The following PTBP2 variants were observed in gnomAD, a reference collection of about 807,000 sequenced individuals.
The protein encoded by PTBP2 is polypyrimidine tract binding protein 2, also known as polypyrimidine tract-binding protein 2.
A neutral mutation model predicts 61.4 loss-of-function variants in PTBP2; 13 were observed. The observed-to-expected ratio is 0.21, with a 90% CI of 0.14 to 0.34. PTBP2 has a LOEUF of 0.34. PTBP2 is among the 10% of genes least tolerant of loss of function. The pLI is 1.00. For missense variants in PTBP2, 405 were observed against 642.6 expected, an observed-to-expected ratio of 0.63 and a Z score of 4.00; for synonymous variants, 215 against 218.5, an observed-to-expected ratio of 0.98 and a Z score of 0.14.
intron 9 of PTBP2, among the ~76,000 whole-genome samples, chr1:96,805,178 A>G (rs557600569): frequency 4.6e-5 from 7 of 151,880 alleles, no homozygotes; most frequent in Non-Finnish European, 8.8e-5. Flanking sequence ...AACCTAACCT[A>G]TTTTTCCTAA....
chr1:96,765,978 G>A (rs1656659823), intron 3 of PTBP2, among the ~76,000 whole-genome samples: 1 of 152,126 alleles, frequency 6.6e-6, no homozygotes, highest in Non-Finnish European at 1.5e-5. Flanking sequence ...CTTGTTGACT[G>A]ATGGATGTGG....
At position 96,813,025 on chromosome 1, in the gene PTBP2, C is replaced by G. The variant is rs369016649; in HGVS notation, c.1389-4C>G. On this transcript the variant is annotated splice_polypyrimidine_tract_variant and splice_region_variant and intron_variant, in intron 12 of 13. Coordinates refer to ENST00000674951, the MANE Select transcript of PTBP2 (RefSeq NM_021190.4). ...CACTTTTTCTTCCCATTCAATTTTC[C>G]TAGTCCATCAGTAGCAGAAGAGGAT... 3.7e-6 allele frequency: 6 copies of G among 1,610,746 alleles called. No individual in the cohort carries two copies. The highest frequency in any genetic ancestry group is 5.1e-6 in the Non-Finnish European group (6 of 1,177,440).
chr1:96,805,638 C>T (rs1367217238), intron 9 of PTBP2, among the ~76,000 whole-genome samples: 3 of 151,940 alleles, frequency 2.0e-5, no homozygotes, highest in Non-Finnish European at 4.4e-5. Flanking sequence ...GTGGGAAGCT[C>T]AGTGTATCAG....
chr1:96,795,803 G>A (rs536078910), intron 8 of PTBP2, among the ~76,000 whole-genome samples: 4 of 152,142 alleles, frequency 2.6e-5, no homozygotes, highest in Admixed American at 6.5e-5. Context: ...GGACCCAGTG[G>A]GGGGAGTGTT....
At chr1:96,775,950 CTAAG>C (rs1226169094) in intron 5 of PTBP2, among the ~76,000 whole-genome samples, 1 of 151,810 alleles carries the variant, frequency 6.6e-6, no homozygotes, top group Non-Finnish European at 1.5e-5. Context: ...AAAATACAGA[CTAAG>C]TATAATATTT....
At chr1:96,791,312 G>T (rs778167883) in intron 8 of PTBP2, among the ~76,000 whole-genome samples, 2 of 152,188 alleles carry the variant, frequency 1.3e-5, no homozygotes, top group Admixed American at 1.3e-4. Flanking sequence ...ATATATGTAG[G>T]TGATGCCTGT....
intron 4 of PTBP2, 83 bp downstream of exon 4, chr1:96,769,958 T>A: frequency 9.0e-7 from 1 of 1,110,060 alleles, no homozygotes. Flanking sequence ...GAGAAAATAG[T>A]AGGTTATTTT....
intron 3 of PTBP2, among the ~76,000 whole-genome samples, chr1:96,759,501 T>C (rs929374876): frequency 6.6e-6 from 1 of 152,018 alleles, no homozygotes; most frequent in African/African-American, 2.4e-5. Flanking sequence ...TGAATATACA[T>C]ACAAAAAAGC....
intron 7 of PTBP2, among the ~76,000 whole-genome samples, chr1:96,783,801 G>T (rs1658943131): frequency 6.6e-6 from 1 of 151,938 alleles, no homozygotes; most frequent in Admixed American, 6.6e-5. Flanking sequence ...TGTTATTCTG[G>T]CTGATAAAGT....
intron 8 of PTBP2, among the ~76,000 whole-genome samples, chr1:96,786,604 T>A (rs1659231363): frequency 1.3e-5 from 2 of 152,212 alleles, no homozygotes; most frequent in Non-Finnish European, 2.9e-5. Flanking sequence ...AGACATTGTT[T>A]TAGAAAGAAT....
rs760344390 is a variant in PTBP2, at chr1:96,795,432, A to C, written c.905-9368A>C. Among the ~76,000 whole-genome samples the C allele has an allele frequency of 5.8e-4, 88 of 152,212 alleles. 1 individual carries two copies. Among genetic ancestry groups the C allele is most frequent in the Admixed American group, 3.9e-4 (6 of 15,288 alleles). ...ACTGGACAGTAGGAAATTCAGCCTA[A>C]GACTTGGGTAAGAGTTCTGTGGAGT... On this transcript the variant is annotated intron_variant, in intron 8 of 13. Transcript: ENST00000674951.
At position 96,813,988 on chromosome 1, in the gene PTBP2, G is replaced by C. The variant is rs987598794; in HGVS notation, c.*583G>C. ...GCTTTGAAAACAACATTGGCCTTTTGTATCTCACAATTCTGGTCTAGATTC... is the reference window on the plus strand; with the variant it reads ...GCTTTGAAAACAACATTGGCCTTTTCTATCTCACAATTCTGGTCTAGATTC... On this transcript the variant is annotated 3_prime_UTR_variant, in exon 14 of 14. Coordinates refer to ENST00000674951, the MANE Select transcript of PTBP2 (RefSeq NM_021190.4). The C allele has an allele frequency of 6.6e-6, 1 of 152,332 alleles. No individual in the cohort carries two copies. Among genetic ancestry groups the C allele is most frequent in the Non-Finnish European group, 1.5e-5 (1 of 67,944 alleles). 9.4% of individuals were successfully genotyped at this position (152,332 alleles called of 1,614,324 possible).
At chr1:96,772,359 A>G (rs1657478560) in intron 5 of PTBP2, among the ~76,000 whole-genome samples, 1 of 152,184 alleles carries the variant, frequency 6.6e-6, no homozygotes, top group Admixed American at 6.5e-5. Context: ...CCATCAGTCA[A>G]CTCATTAGCA....
rs538175666 is a variant in PTBP2, at chr1:96,740,785, TTA to T, written c.40-10626_40-10625del. 6.8e-4 allele frequency among the ~76,000 whole-genome samples: 103 copies of T among 150,950 alleles called. 1 individual carries two copies. Among genetic ancestry groups the T allele is most frequent in the Non-Finnish European group, 6.8e-4 (46 of 67,670 alleles). On this transcript the variant is annotated intron_variant, in intron 2 of 13. Transcript: ENST00000674951. Reference sequence around the variant, plus strand: ...TTGTTCAGTGTTATTTTTGTTAAGTTTATATATATATATATTTTCATTGCCAT... The same window carrying T: ...TTGTTCAGTGTTATTTTTGTTAAGTTTATATATATATATTTTCATTGCCAT...
intron 11 of PTBP2, 70 bp downstream of exon 11, chr1:96,807,028 A>G: frequency 8.3e-7 from 1 of 1,200,578 alleles, no homozygotes; most frequent in South Asian, 1.4e-5. Flanking sequence ...GAATGTGCGA[A>G]TAAAAATAAA....
chr1:96,743,070 A>G (rs1176566770), intron 2 of PTBP2, among the ~76,000 whole-genome samples: 2 of 151,972 alleles, frequency 1.3e-5, no homozygotes, highest in African/African-American at 2.4e-5. Flanking sequence ...GCAGATCACG[A>G]GGTCAGGAGA....
At chr1:96,733,745 C>T (rs759166889) in intron 2 of PTBP2, among the ~76,000 whole-genome samples, 5 of 152,194 alleles carry the variant, frequency 3.3e-5, no homozygotes, top group Non-Finnish European at 7.3e-5. Flanking sequence ...TTGAATTACA[C>T]AGGTCCACTT....
intron 2 of PTBP2, among the ~76,000 whole-genome samples, chr1:96,746,847 C>CT (rs1653855860): frequency 1.3e-5 from 1 of 75,196 alleles, no homozygotes; most frequent in Non-Finnish European, 2.5e-5. Flanking sequence ...CTCCCTCCCT[C>CT]CCTCCCCCTC....
At chr1:96,788,664 GT>G (rs1659464701) in intron 8 of PTBP2, among the ~76,000 whole-genome samples, 1 of 151,868 alleles carries the variant, frequency 6.6e-6, no homozygotes, top group Admixed American at 6.5e-5. Flanking sequence ...CAAATATAAG[GT>G]GATACTCTTT....
Sources: allele counts gnomAD v4.1 joint callset (sites outside exome capture counted in the v4.1 genomes callset), GRCh38; gene constraint gnomAD v4.1.1; transcripts MANE v1.5; gene names NCBI Gene and HGNC (gene_info 2026-07-23, HGNC 2026-07-21).